The following HRC variants were observed in gnomAD, a reference collection of about 807,000 sequenced individuals.
HRC encodes the protein sarcoplasmic reticulum histidine-rich calcium-binding protein.
Under a neutral mutation model 61.4 loss-of-function variants are expected in HRC, and 41 were observed. The observed-to-expected ratio is 0.67, with a 90% CI of 0.52 to 0.87. The LOEUF (loss-of-function observed/expected upper bound fraction) is 0.87. HRC is among the 40% of genes least tolerant of loss of function. The pLI is 0.00. For missense variants in HRC, 839 were observed against 885.8 expected (o/e 0.95, Z 0.67); for synonymous variants, 308 against 326.6 (o/e 0.94, Z 0.62).
At position 49,155,195 on chromosome 19, in the gene HRC, C is replaced by A. The variant is rs776877200; in HGVS notation, c.43G>T (p.Ala15Ser). The part of the protein sequence containing the change: ...RPWLHASVLW[A>S]GVASLLLPPA... The stretch of plus-strand genomic sequence containing the variant: ...GGGAGGAGCAGGCTGGCCACCCCAG[C>A]CCAGAGGACAGAAGCGTGCAGCCAT... The change falls in exon 1 of 6, where the codon GCT becomes TCT. Residue 15 changes from alanine to serine, a missense_variant. Physicochemically the swap from Ala to Ser is moderately conservative, Grantham distance 99 (BLOSUM62 1). Transcript: ENST00000252825. This position sits in a 1 kb window ranked among gnomAD's most constrained non-coding sequence, Gnocchi z 4.7. 2.5e-6 allele frequency: 4 copies of A among 1,612,334 alleles called. No individual in the cohort carries two copies. Among genetic ancestry groups the A allele is most frequent in the South Asian group, 2.2e-5 (2 of 91,020 alleles).
At chr19:49,151,809 C>A (rs1814061144) in intron 4 of HRC, 195 bp downstream of exon 4, 1 of 657,410 alleles carries the variant, frequency 1.5e-6, no homozygotes, top group African/African-American at 1.8e-5. Context: ...CCACTCATTT[C>A]TGTCCCTTGG....
In HRC at chr19:49,154,229, G is replaced by A; in HGVS notation, c.1009C>T (p.His337Tyr). 3 of 1,613,138 alleles carry A rather than the reference G, an allele frequency of 1.9e-6. No individual in the cohort carries two copies. The highest frequency in any genetic ancestry group is 2.5e-6 in the Non-Finnish European group (3 of 1,179,720). Residue 337 changes from histidine (H) to tyrosine (Y), a missense_variant, in exon 1 of 6, where the codon CAC (histidine) becomes TAC (tyrosine). Transcript: ENST00000252825. ...EEVEAVSGEHHHHVPDHRHQG... is the reference protein window; with the variant it reads ...EEVEAVSGEHYHHVPDHRHQG... ...TGCCTGTGGTCAGGGACATGATGGT[G>A]GTGTTCACCTGAGACAGCCTCAACC...
Position 49,154,691 on chromosome 19 carries a change from G to A in HRC, c.547C>T (p.Arg183Ter), listed in dbSNP as rs761234477. ...TCATCATCTTCCCCATCATGGCCTC[G>A]GTGTCCATGCCTGAGGATATGATGG... ...HHHHILRHGH[R>*]GHDGEDDEGE... is the part of the protein sequence containing the mutation. The change falls in exon 1 of 6, where the codon CGA becomes TGA. Residue 183 changes from arginine to a stop codon, truncating the protein, a stop_gained. Coordinates refer to ENST00000252825, the MANE Select transcript of HRC (RefSeq NM_002152.3). LOFTEE classifies it high-confidence loss of function. The A allele has an allele frequency of 2.4e-5, 38 of 1,613,440 alleles. No individual in the cohort carries two copies. The highest frequency in any genetic ancestry group is 1.1e-4 in the East Asian group (5 of 44,862).
intron 2 of HRC, among the ~76,000 whole-genome samples, 175 bp from the exon 3 acceptor site, chr19:49,152,553 T>C (rs2041372092): frequency 7.1e-6 from 1 of 140,332 alleles, no homozygotes; most frequent in African/African-American, 2.6e-5. Flanking sequence ...CTGCCCCTGG[T>C]TTCCTTCCTT....
chr19:49,153,600 TTCCTCCTCC>T lies in HRC; in HGVS notation c.1629_1637del (p.Glu545_Glu547del), dbSNP rs375463350. On this transcript the variant is annotated inframe_deletion, in exon 1 of 6. Transcript: ENST00000252825. This position sits in a 1 kb window ranked among gnomAD's most constrained non-coding sequence, Gnocchi z 4.8. ...TCTCTTCCCTCCTCTCCTCGTCTTC[TTCCTCCTCC>T]TCCTCCTCCTTGTCTTCCTCTTCTT... 6.6e-7 allele frequency: 1 copy of T among 1,526,538 alleles called. No individual in the cohort carries two copies. Among genetic ancestry groups the T allele is most frequent in the Non-Finnish European group, 9.0e-7 (1 of 1,108,840 alleles). 94.6% of individuals were successfully genotyped at this position (1,526,538 alleles called of 1,614,324 possible).
chr19:49,151,215 A>T lies in HRC; in HGVS notation c.*81T>A. The stretch of plus-strand genomic sequence containing the variant: ...CAATGAGGTTTCGGGGAGCACGTTT[A>T]TTCGGAGAAATAAATATAGCTCGTG... On this transcript the variant is annotated 3_prime_UTR_variant, in exon 6 of 6. Transcript: ENST00000252825. 8.0e-7 allele frequency: 1 copy of T among 1,246,138 alleles called. No individual in the cohort carries two copies. Among genetic ancestry groups the T allele is most frequent in the Non-Finnish European group, 1.1e-6 (1 of 899,176 alleles). 77.2% of individuals were successfully genotyped at this position (1,246,138 alleles called of 1,614,324 possible).
intron 4 of HRC, 54 bp from the exon 5 acceptor site, chr19:49,151,607 G>A: frequency 1.3e-6 from 2 of 1,524,898 alleles, no homozygotes; most frequent in Admixed American, 1.7e-5. Context: ...GCAAAATTAG[G>A]CAGCCACTCA....
rs572467597 is a variant in HRC, at chr19:49,152,033, G to A, written c.1997C>T (p.Pro666Leu). Reference sequence around the variant, plus strand: ...AGCGCAGACCGTTTCGCAGACCAGCGGGCAGAGATAGCAGAACTGACAGTG... The same window carrying A: ...AGCGCAGACCGTTTCGCAGACCAGCAGGCAGAGATAGCAGAACTGACAGTG... ...CQHCQFCYLC[P>L]LVCETVCAPG... Residue 666 changes from proline (P) to leucine (L), a missense_variant, in exon 4 of 6, where the codon CCG (proline) becomes CTG (leucine). Physicochemically the swap from Pro to Leu is moderately conservative, Grantham distance 98 (BLOSUM62 -3). Transcript: ENST00000252825. 3.1e-6 allele frequency: 5 copies of A among 1,614,166 alleles called. No homozygotes were observed. In the African/African-American group the frequency reaches 5.3e-5, roughly 17 times the overall value.
Position 49,153,344 on chromosome 19 carries a change from G to A in HRC, c.1832-13C>T. On this transcript the variant is annotated splice_polypyrimidine_tract_variant and intron_variant, in intron 1 of 5. Coordinates refer to ENST00000252825, the MANE Select transcript of HRC (RefSeq NM_002152.3). The surrounding 1 kb of genome is among the most constrained non-coding windows in gnomAD (Gnocchi z 4.8). Reference sequence around the variant, plus strand: ...GCATCCTGTGGACCTGCGGGGACAGGAGGGCAGCAGTGACCCAGGCTGACT... The same window carrying A: ...GCATCCTGTGGACCTGCGGGGACAGAAGGGCAGCAGTGACCCAGGCTGACT... 1.2e-6 allele frequency: 2 copies of A among 1,613,408 alleles called. No homozygotes were observed. The highest frequency in any genetic ancestry group is 8.5e-7 in the Non-Finnish European group (1 of 1,179,364).
Position 49,155,213 on chromosome 19 carries a change from G to A in HRC, c.25C>T (p.His9Tyr). ...ACCCCAGCCCAGAGGACAGAAGCGT[G>A]CAGCCATGGCCTATGGTGGCCCATG... is the stretch of plus-strand genomic sequence containing the variant. MGHHRPWL[H>Y]ASVLWAGVAS... The change falls in exon 1 of 6, where the codon CAC (histidine) becomes TAC (tyrosine). Residue 9 changes from histidine (H) to tyrosine (Y), a missense_variant. His to Tyr is a moderately conservative substitution (Grantham distance 83). Transcript: ENST00000252825. This position sits in a 1 kb window ranked among gnomAD's most constrained non-coding sequence, Gnocchi z 4.7. 2 of 1,609,362 alleles carry A rather than the reference G, an allele frequency of 1.2e-6. 1 individual carries two copies. The highest frequency in any genetic ancestry group is 2.2e-5 in the South Asian group (2 of 90,804).
rs200937338 is a variant in HRC, at chr19:49,153,336, G to C, written c.1832-5C>G. ...ACTCCTGAGCATCCTGTGGACCTGC[G>C]GGGACAGGAGGGCAGCAGTGACCCA... On this transcript the variant is annotated splice_region_variant and splice_polypyrimidine_tract_variant and intron_variant, in intron 1 of 5. Transcript: ENST00000252825. This position sits in a 1 kb window ranked among gnomAD's most constrained non-coding sequence, Gnocchi z 4.8. 1.9e-6 allele frequency: 3 copies of C among 1,613,386 alleles called. No homozygotes were observed. Among genetic ancestry groups the C allele is most frequent in the East Asian group, 4.5e-5 (2 of 44,858 alleles).
chr19:49,152,126 G>A, intron 3 of HRC, 68 bp from the exon 4 acceptor site: 1 of 1,446,264 alleles, frequency 6.9e-7, no homozygotes, highest in Non-Finnish European at 9.7e-7. Flanking sequence ...GGATGGGGCC[G>A]GGACCAGACC....
Position 49,153,369 on chromosome 19 carries a change from T to C in HRC, c.1831+38A>G, listed in dbSNP as rs1208858447. The C allele has an allele frequency of 6.2e-7, 1 of 1,612,232 alleles. No homozygotes were observed. The highest frequency in any genetic ancestry group is 8.5e-7 in the Non-Finnish European group (1 of 1,178,306). ...GAGGGCAGCAGTGACCCAGGCTGAC[T>C]CGGTTCCTTCCCACCCACACCAGCC... is the stretch of plus-strand genomic sequence containing the variant. On this transcript the variant is annotated intron_variant, in intron 1 of 5. Transcript: ENST00000252825. The surrounding 1 kb of genome is among the most constrained non-coding windows in gnomAD (Gnocchi z 4.8).
At position 49,154,267 on chromosome 19, in the gene HRC, T is replaced by G; in HGVS notation, c.971A>C (p.His324Pro). Residue 324 changes from histidine to proline, a missense_variant, in exon 1 of 6, where the codon CAC becomes CCC. Coordinates refer to ENST00000252825, the MANE Select transcript of HRC (RefSeq NM_002152.3). ...GACAGCCTCAACCTCTTCCTTTCTG[T>G]GGTCTTGGTGCCTGTGGGCCTGGTG... ...YGHQAHRHQD[H>P]RKEEVEAVSG... 6.2e-7 allele frequency: 1 copy of G among 1,613,402 alleles called. No homozygotes were observed. The highest frequency in any genetic ancestry group is 1.1e-5 in the South Asian group (1 of 91,032).
rs141026970 is a variant in HRC at position 49,154,370 on chromosome 19, G to C, written c.868C>G (p.His290Asp). The C allele has an allele frequency of 1.2e-4, 192 of 1,611,008 alleles. 2 individuals are homozygous for C. The African/African-American group carries it at 2.3e-3, about 19-fold the overall frequency. The change falls in exon 1 of 6, where the codon CAT becomes GAT. Residue 290 changes from histidine (H) to aspartate (D), a missense_variant. Transcript: ENST00000252825. ...EDEDVSDGHH[H>D]RDPSHRHRSH... is the part of the protein sequence containing the mutation. ...CGGTGCCTGTGGCTGGGGTCGCGAT[G>C]ATGGTGTCCATCTGAGACATCTTCA... is the stretch of plus-strand genomic sequence containing the variant.
Position 49,153,246 on chromosome 19 carries a change from G to A in HRC, c.1902+15C>T, listed in dbSNP as rs764844711. 6 of 1,605,458 alleles carry A rather than the reference G, an allele frequency of 3.7e-6. No homozygotes were observed. The highest frequency in any genetic ancestry group is 5.1e-6 in the Non-Finnish European group (6 of 1,172,426). ...TGGGGACACCTTGGTGGGTGGATCT[G>A]GGCTGGGGACATACATTGCAGAAGG... On this transcript the variant is annotated intron_variant, in intron 2 of 5. Transcript: ENST00000252825. The surrounding 1 kb of genome is among the most constrained non-coding windows in gnomAD (Gnocchi z 4.8).
Position 49,154,077 on chromosome 19 carries a change from GA to G in HRC, c.1160del (p.Phe387SerfsTer75). On this transcript the variant is annotated frameshift_variant, in exon 1 of 6. Transcript: ENST00000252825. LOFTEE classifies it high-confidence loss of function. ...EEEEEEITVQ[F>X]GHYVASHQPR... ...GTTGGTGGCTTGCAACATAGTGGCC[GA>G]ACTGGACTGTGATCTCCTCTTCTTC... 6.2e-7 allele frequency: 1 copy of G among 1,614,146 alleles called. No individual in the cohort carries two copies. The highest frequency in any genetic ancestry group is 8.5e-7 in the Non-Finnish European group (1 of 1,180,024).
At chr19:49,151,653 T>C (rs2041360619) in intron 4 of HRC, 100 bp from the exon 5 acceptor site, 7 of 1,030,570 alleles carry the variant, frequency 6.8e-6, no homozygotes, top group Admixed American at 2.0e-5. Flanking sequence ...CTCCACCTCC[T>C]TTTCCCTAAT....
rs745723607 is a variant in HRC at position 49,152,306 on chromosome 19, T to C, written c.1971+4A>G. 4 of 1,611,634 alleles carry C rather than the reference T, an allele frequency of 2.5e-6. No homozygotes were observed. In the Admixed American group the frequency reaches 6.7e-5, roughly 27 times the overall value. On this transcript the variant is annotated splice_donor_region_variant and intron_variant, in intron 3 of 5. Coordinates refer to ENST00000252825, the MANE Select transcript of HRC (RefSeq NM_002152.3). ...GGAGCCTTGAGTGTGAGGTGAGGTCTCACCTGGCACTGGTCGCAGTGCTCA... is the reference window on the plus strand; with the variant it reads ...GGAGCCTTGAGTGTGAGGTGAGGTCCCACCTGGCACTGGTCGCAGTGCTCA...
Sources: allele counts gnomAD v4.1 joint callset (sites outside exome capture counted in the v4.1 genomes callset), GRCh38; gene constraint gnomAD v4.1.1; non-coding constraint Gnocchi (gnomAD v3.1); transcripts MANE v1.5; gene names NCBI Gene and HGNC (gene_info 2026-07-23, HGNC 2026-07-21).